Variants in UBE2F observed in about 807,000 individuals in gnomAD.
The protein encoded by UBE2F is ubiquitin conjugating enzyme E2 F (putative).
Under a neutral mutation model 29.6 loss-of-function variants are expected in UBE2F, and 5 were observed. That is an observed-to-expected ratio of 0.17 (90% CI 0.09 to 0.36). The LOEUF is 0.36. Ranked by LOEUF, UBE2F falls within the 10% of genes least tolerant of loss-of-function variation. The pLI, the probability that UBE2F is intolerant of heterozygous loss-of-function variation, is 1.00. For missense variants in UBE2F, 141 were observed against 228.5 expected (o/e 0.62, Z 2.47); for synonymous variants, 66 against 81.8 (o/e 0.81, Z 1.04).
Position 237,987,889 on chromosome 2 carries a change from A to G in UBE2F, c.119-74A>G. 3.8e-6 allele frequency: 3 copies of G among 799,232 alleles called. 1 individual carries two copies. The South Asian group carries it at 5.2e-5, about 14-fold the overall frequency. The allele number at this position is 799,232 out of a possible 1,614,324, so 49.5% of individuals were successfully genotyped here. ...TTTTTGATTCAGTGTTCTAGAGGAA[A>G]TTGCCAATTTAGAACTGGTGATTTT... On this transcript the variant is annotated intron_variant, in intron 2 of 9. Coordinates refer to ENST00000272930, the MANE Select transcript of UBE2F (RefSeq NM_080678.3).
intron 4 of UBE2F, chr2:238,003,243 G>T (rs1290192177): frequency 1.7e-5 from 6 of 345,212 alleles, no homozygotes; most frequent in Non-Finnish European, 3.0e-5. Flanking sequence ...AAATACAGAT[G>T]CCAATTTTCT....
In UBE2F at chr2:238,023,734, T is replaced by C. The variant is rs114307416; in HGVS notation, c.283-1608T>C. ...ATGAGATCCTGTGATTTGACACTTC[T>C]GCATATTAACCAAGGGGACCTTTCT... On this transcript the variant is annotated intron_variant, in intron 5 of 9. Transcript: ENST00000272930. Among the ~76,000 whole-genome samples, 279 of 152,368 alleles carry C rather than the reference T, an allele frequency of 1.8e-3. 1 individual carries two copies. The highest frequency in any genetic ancestry group is 6.3e-3 in the African/African-American group (263 of 41,584).
At chr2:238,006,318 C>T (rs1284822362) in intron 4 of UBE2F, among the ~76,000 whole-genome samples, 1 of 152,166 alleles carries the variant, frequency 6.6e-6, no homozygotes, top group African/African-American at 2.4e-5. Context: ...TCTCCATCAC[C>T]CAGACACCTC....
intron 6 of UBE2F, among the ~76,000 whole-genome samples, chr2:238,026,145 C>T (rs555459270): frequency 1.2e-4 from 18 of 152,324 alleles, no homozygotes; most frequent in South Asian, 8.3e-4. Context: ...GAGTCCAGCT[C>T]GCCGCCCCCG....
At chr2:238,030,752 T>TC (rs2064555496) in intron 7 of UBE2F, 139 bp downstream of exon 7, 1 of 684,256 alleles carries the variant, frequency 1.5e-6, no homozygotes, top group African/African-American at 1.8e-5. Context: ...CCTCCTCTTC[T>TC]CCCTGCTGCC....
intron 5 of UBE2F, 39 bp downstream of exon 5, chr2:238,016,672 G>A (rs1360531011): frequency 6.3e-7 from 1 of 1,587,068 alleles, no homozygotes; most frequent in Non-Finnish European, 8.6e-7. Flanking sequence ...TTACTTCTCG[G>A]GCGGGGCTGC....
At chr2:237,968,134 G>T (rs2063098373) in intron 1 of UBE2F, among the ~76,000 whole-genome samples, 1 of 152,134 alleles carries the variant, frequency 6.6e-6, no homozygotes, top group African/African-American at 2.4e-5. Context: ...GAGGAAACTG[G>T]CCTGCCTGGT....
At chr2:238,022,593 T>C (rs1159776020) in intron 5 of UBE2F, among the ~76,000 whole-genome samples, 1 of 152,196 alleles carries the variant, frequency 6.6e-6, no homozygotes, top group Non-Finnish European at 1.5e-5. Flanking sequence ...CCCAAGATGG[T>C]CATCTACATT....
rs888451346 is a variant in UBE2F at position 238,002,523 on chromosome 2, C to T, written c.214+7714C>T. ...AAGTGCTGGGATTACAGGCATGAGC[C>T]GCTGCACCTGGCCGGAATATTCCAA... On this transcript the variant is annotated intron_variant, in intron 4 of 9. Transcript: ENST00000272930. Among the ~76,000 whole-genome samples the T allele has an allele frequency of 3.9e-5, 6 of 151,984 alleles. No individual in the cohort carries two copies. The South Asian group carries it at 6.2e-4, about 16-fold the overall frequency.
At chr2:238,038,411 C>G (rs1168668388) in intron 9 of UBE2F, among the ~76,000 whole-genome samples, 1 of 152,216 alleles carries the variant, frequency 6.6e-6, no homozygotes, top group Non-Finnish European at 1.5e-5. Context: ...TCTGGTAAAG[C>G]CTTGGGCTTG....
At chr2:238,034,010 A>G (rs7562553) in intron 8 of UBE2F, among the ~76,000 whole-genome samples, 127,046 of 152,132 alleles carry the variant, frequency 0.84, 53,154 homozygotes, top group East Asian at 0.97. Context: ...CAGCCACCAT[A>G]ATTTTTTTCT....
chr2:237,967,440 G>C lies in UBE2F; in HGVS notation c.-17+308G>C, dbSNP rs2063079021. ...GGGGGACGGCCCGCGCCGAGCACCT[G>C]GTGTGAACCAGGCCCTGGGCCGAGC... On this transcript the variant is annotated intron_variant, in intron 1 of 9. Coordinates refer to ENST00000272930, the MANE Select transcript of UBE2F (RefSeq NM_080678.3). The surrounding 1 kb of genome is among the most constrained non-coding windows in gnomAD (Gnocchi z 6.3). Among the ~76,000 whole-genome samples the C allele has an allele frequency of 6.6e-6, 1 of 151,914 alleles. No individual in the cohort carries two copies. The highest frequency in any genetic ancestry group is 2.4e-5 in the African/African-American group (1 of 41,434).
intron 3 of UBE2F, among the ~76,000 whole-genome samples, chr2:237,992,480 G>A (rs1180841572): frequency 1.3e-5 from 2 of 152,166 alleles, no homozygotes; most frequent in Admixed American, 6.5e-5. Flanking sequence ...TCTCAAGTAA[G>A]GACTGTGACA....
chr2:237,986,235 G>A (rs753542957), intron 2 of UBE2F: 2 of 320,890 alleles, frequency 6.2e-6, no homozygotes, highest in South Asian at 2.5e-5. Context: ...CTGCAGCCTC[G>A]ACTTCCCAGG....
intron 2 of UBE2F, among the ~76,000 whole-genome samples, chr2:237,985,206 T>C (rs4663274): frequency 0.86 from 130,481 of 151,960 alleles, 56,169 homozygotes; most frequent in East Asian, 0.97. Flanking sequence ...TTCATCTTCT[T>C]GTATAGTTTA....
In UBE2F at chr2:237,982,318, A is replaced by G. The variant is rs2063397058; in HGVS notation, c.119-5645A>G. Among the ~76,000 whole-genome samples, 1 of 150,782 alleles carries G rather than the reference A, an allele frequency of 6.6e-6. No individual in the cohort carries two copies. The highest frequency in any genetic ancestry group is 1.5e-5 in the Non-Finnish European group (1 of 67,668). ...CTGGCTCTGTTGCCCATTTCTTCCCACTCCTCCGCCCTACCACATCACAGT... is the reference window on the plus strand; with the variant it reads ...CTGGCTCTGTTGCCCATTTCTTCCCGCTCCTCCGCCCTACCACATCACAGT... On this transcript the variant is annotated intron_variant, in intron 2 of 9. Coordinates refer to ENST00000272930, the MANE Select transcript of UBE2F (RefSeq NM_080678.3). The surrounding 1 kb of genome is among the most constrained non-coding windows in gnomAD (Gnocchi z 4.1).
At chr2:238,023,128 G>A (rs1317449855) in intron 5 of UBE2F, among the ~76,000 whole-genome samples, 1 of 152,118 alleles carries the variant, frequency 6.6e-6, no homozygotes, top group Non-Finnish European at 1.5e-5. Flanking sequence ...AATTTTCTAG[G>A]TTCCTACAAA....
chr2:237,983,827 C>T (rs945894430), intron 2 of UBE2F, among the ~76,000 whole-genome samples: 1 of 152,134 alleles, frequency 6.6e-6, no homozygotes, highest in East Asian at 1.9e-4. Context: ...ACTGAATCAC[C>T]ACATCCCCGA....
intron 2 of UBE2F, among the ~76,000 whole-genome samples, chr2:237,985,456 A>C (rs887704661): frequency 6.6e-6 from 1 of 151,870 alleles, no homozygotes; most frequent in Admixed American, 6.6e-5. Flanking sequence ...ATCATGTAGT[A>C]TTTGTCTTTG....
Sources: allele counts gnomAD v4.1 joint callset (sites outside exome capture counted in the v4.1 genomes callset), GRCh38; gene constraint gnomAD v4.1.1; non-coding constraint Gnocchi (gnomAD v3.1); transcripts MANE v1.5; gene names NCBI Gene and HGNC (gene_info 2026-07-23, HGNC 2026-07-21).